The following PLCB1 variants were observed in gnomAD, a reference collection of about 807,000 sequenced individuals.
PLCB1 encodes phospholipase C beta 1.
In PLCB1, 46 loss-of-function variants were observed where a neutral mutation model predicts 161.8. The ratio of observed to expected loss-of-function variants is 0.28; its 90% CI spans 0.22 to 0.36. The LOEUF (loss-of-function observed/expected upper bound fraction) is 0.36. Ranked by LOEUF, PLCB1 falls within the 10% of genes least tolerant of loss-of-function variation. The pLI, the probability that PLCB1 is intolerant of heterozygous loss-of-function variation, is 1.00. For synonymous variants in PLCB1, 517 were observed against 503.7 expected, an observed-to-expected ratio of 1.03 and a Z score of -0.35; for missense variants, 1,016 against 1,472.5, an observed-to-expected ratio of 0.69 and a Z score of 5.07.
intron 2 of PLCB1, among the ~76,000 whole-genome samples, chr20:8,228,663 C>T (rs1979831493): frequency 6.9e-6 from 1 of 145,536 alleles, no homozygotes; most frequent in African/African-American, 2.6e-5. Context: ...ATGTGCACCA[C>T]CACGCCCCAC....
intron 3 of PLCB1, among the ~76,000 whole-genome samples, chr20:8,589,067 A>C (rs1204767447): frequency 6.6e-6 from 1 of 152,208 alleles, no homozygotes; most frequent in Non-Finnish European, 1.5e-5. Context: ...TAAAGTGTCC[A>C]GTACAGGCTC....
At chr20:8,388,653 GT>G (rs1275888011) in intron 3 of PLCB1, among the ~76,000 whole-genome samples, 1 of 151,830 alleles carries the variant, frequency 6.6e-6, no homozygotes, top group Non-Finnish European at 1.5e-5. Context: ...TTTTTGGTTT[GT>G]TTTTTGGTTT....
intron 3 of PLCB1, among the ~76,000 whole-genome samples, chr20:8,435,571 C>T (rs578242772): frequency 1.3e-4 from 20 of 152,206 alleles, no homozygotes; most frequent in African/African-American, 4.6e-4. Flanking sequence ...TGACAGCCTC[C>T]GGAACTGCAA....
intron 2 of PLCB1, among the ~76,000 whole-genome samples, chr20:8,313,026 A>G (rs1348006332): frequency 6.6e-6 from 1 of 152,228 alleles, no homozygotes; most frequent in Admixed American, 6.5e-5. Flanking sequence ...GTGAAAGGAA[A>G]GGAAAATAAG....
chr20:8,659,991 CAAA>C (rs11482818), intron 9 of PLCB1, among the ~76,000 whole-genome samples: 10 of 109,858 alleles, frequency 9.1e-5, no homozygotes, highest in African/African-American at 2.3e-4. Flanking sequence ...GACTCTGTCT[CAAA>C]AAAAAAAAAA....
At chr20:8,857,749 CCTA>C (rs573933574) in intron 31 of PLCB1, among the ~76,000 whole-genome samples, 4 of 152,204 alleles carry the variant, frequency 2.6e-5, no homozygotes, top group African/African-American at 4.8e-5. Flanking sequence ...CCTAATATTT[CCTA>C]CTAAGATGAG....
intron 9 of PLCB1, among the ~76,000 whole-genome samples, chr20:8,672,929 T>G (rs990711936): frequency 6.6e-6 from 1 of 152,022 alleles, no homozygotes; most frequent in East Asian, 1.9e-4. Context: ...CTGGCCAACA[T>G]GGTGAAGCCC....
chr20:8,200,787 A>G (rs1321149678), intron 2 of PLCB1, among the ~76,000 whole-genome samples: 1 of 152,002 alleles, frequency 6.6e-6, no homozygotes, highest in Non-Finnish European at 1.5e-5. Context: ...TAAAAGCAGT[A>G]TTTATCTGGA....
At chr20:8,252,236 T>G (rs1981182090) in intron 2 of PLCB1, among the ~76,000 whole-genome samples, 1 of 151,938 alleles carries the variant, frequency 6.6e-6, no homozygotes, top group Admixed American at 6.6e-5. Context: ...CAAGGGGCAT[T>G]GCTTTGCATC....
intron 3 of PLCB1, among the ~76,000 whole-genome samples, chr20:8,511,047 A>T (rs1000845884): frequency 3.9e-5 from 6 of 152,174 alleles, no homozygotes; most frequent in Non-Finnish European, 8.8e-5. Context: ...TATTATTATT[A>T]ATTATGGTCA....
Position 8,658,521 on chromosome 20 carries a change from T to G in PLCB1, c.696-17T>G, listed in dbSNP as rs1989529575. On this transcript the variant is annotated splice_polypyrimidine_tract_variant and intron_variant, in intron 8 of 31. Transcript: ENST00000338037. ...AGTTTAAAAAATTCTTATTGCTTGGTTTTTCATTGTTTTTAGTGGTGCAAA... is the reference window on the plus strand; with the variant it reads ...AGTTTAAAAAATTCTTATTGCTTGGGTTTTCATTGTTTTTAGTGGTGCAAA... The G allele has an allele frequency of 6.4e-7, 1 of 1,560,648 alleles. No individual in the cohort carries two copies. The highest frequency in any genetic ancestry group is 8.6e-7 in the Non-Finnish European group (1 of 1,156,848).
intron 23 of PLCB1, chr20:8,751,374 C>T (rs1981473187): frequency 6.6e-6 from 1 of 152,294 alleles, no homozygotes; most frequent in African/African-American, 2.4e-5. Context: ...CCTCCAAATC[C>T]TAATTCTCTG....
rs1468971094 is a variant in PLCB1 at position 8,831,951 on chromosome 20, TTTC to T, written c.3423+41693_3423+41695del. Reference sequence around the variant, plus strand: ...CTTTCTTTCTTTCTTTCTTTCTTTCTTTCTTTCTTTCTTTCTTTCTTTCTTTCT... The same window carrying T: ...CTTTCTTTCTTTCTTTCTTTCTTTCTTTTCTTTCTTTCTTTCTTTCTTTCT... On this transcript the variant is annotated intron_variant, in intron 31 of 31. Coordinates refer to ENST00000338037, the MANE Select transcript of PLCB1 (RefSeq NM_015192.4). 5.0e-4 allele frequency among the ~76,000 whole-genome samples: 53 copies of T among 105,678 alleles called. 7 individuals carry two copies. The highest frequency in any genetic ancestry group is 1.9e-3 in the African/African-American group (53 of 27,772). 69.3% of individuals were successfully genotyped at this position (105,678 alleles called of 152,430 possible).
intron 2 of PLCB1, among the ~76,000 whole-genome samples, chr20:8,263,760 C>T (rs976375137): frequency 5.9e-5 from 9 of 152,010 alleles, no homozygotes; most frequent in East Asian, 1.9e-4. Flanking sequence ...ATTGAAAATA[C>T]GATATAAAAG....
chr20:8,510,180 C>T (rs1193659262), intron 3 of PLCB1, among the ~76,000 whole-genome samples: 1 of 152,112 alleles, frequency 6.6e-6, no homozygotes, highest in Non-Finnish European at 1.5e-5. Context: ...GCCCAAAGAT[C>T]ACTGTACTGA....
chr20:8,346,053 A>T (rs17347458), intron 2 of PLCB1, among the ~76,000 whole-genome samples: 18,972 of 152,264 alleles, frequency 0.12, 1,488 homozygotes, highest in Non-Finnish European at 0.17. Context: ...GGTAAAAATT[A>T]TAAGAGAAGT....
intron 3 of PLCB1, among the ~76,000 whole-genome samples, chr20:8,540,275 A>G (rs1441936486): frequency 1.3e-5 from 2 of 152,104 alleles, no homozygotes; most frequent in Admixed American, 1.3e-4. Flanking sequence ...CTCAATAACC[A>G]TCTCATCTAG....
chr20:8,169,662 A>T (rs953474135), intron 2 of PLCB1, among the ~76,000 whole-genome samples: 14 of 152,146 alleles, frequency 9.2e-5, no homozygotes, highest in Non-Finnish European at 2.1e-4. Flanking sequence ...CAAGTTGCAG[A>T]TAAATCCCTG....
intron 7 of PLCB1, among the ~76,000 whole-genome samples, chr20:8,654,817 G>T (rs1989411428): frequency 6.6e-6 from 1 of 152,026 alleles, no homozygotes; most frequent in Admixed American, 6.6e-5. Context: ...TTAGCTTTGT[G>T]AATTTCAGTC....
Sources: gnomAD v4.1 joint callset for allele counts (sites outside exome capture counted in the v4.1 genomes callset) on GRCh38, gnomAD v4.1.1 for gene constraint, MANE v1.5 for transcripts, NCBI Gene and HGNC (gene_info 2026-07-23, HGNC 2026-07-21) for gene names.